The following PTPN22 variants were observed in gnomAD, a reference collection of about 807,000 sequenced individuals.
The protein encoded by PTPN22 is tyrosine-protein phosphatase non-receptor type 22.
PTPN22 carries 85 observed loss-of-function variants against 103.3 expected under a neutral mutation model. The ratio of observed to expected loss-of-function variants is 0.82; its 90% CI spans 0.69 to 0.99. PTPN22 has a LOEUF of 0.99. PTPN22 is among the 50% of genes least tolerant of loss of function. The probability of loss-of-function intolerance (pLI) is 0.00; values close to 1 mark genes in which losing one functional copy is unlikely to be tolerated. For synonymous variants in PTPN22, 323 were observed against 310.2 expected (o/e 1.04, Z -0.43); for missense variants, 865 against 936.9 (o/e 0.92, Z 1.00).
In PTPN22 at chr1:113,822,832, C is replaced by T. The variant is rs536358799; in HGVS notation, c.2281+2310G>A. On this transcript the variant is annotated intron_variant, in intron 19 of 20. Coordinates refer to ENST00000359785, the Ensembl canonical transcript of PTPN22. ...AAAATTAGCTGGGCATAGTGGTGTG[C>T]GCCTGTCATCCCAGCACTTGGGAGG... Among the ~76,000 whole-genome samples the T allele has an allele frequency of 1.1e-4, 17 of 152,164 alleles. No homozygotes were observed. The South Asian group carries it at 2.3e-3, about 20-fold the overall frequency.
intron 1 of PTPN22, among the ~76,000 whole-genome samples, chr1:113,869,162 G>A (rs1308211337): frequency 2.0e-5 from 3 of 152,180 alleles, no homozygotes; most frequent in Admixed American, 2.0e-4. Context: ...GCTGCAGTGA[G>A]CCGAGATGGT....
intron 2 of PTPN22, 127 bp from the exon 3 acceptor site, chr1:113,859,205 T>C: frequency 6.4e-7 from 1 of 1,550,700 alleles, no homozygotes; most frequent in Non-Finnish European, 8.7e-7. Context: ...AATGAATGAA[T>C]GAATATTCTT....
intron 3 of PTPN22, 73 bp from the exon 4 acceptor site, chr1:113,858,646 T>A: frequency 1.3e-6 from 1 of 794,200 alleles, no homozygotes; most frequent in Non-Finnish European, 1.8e-6. Flanking sequence ...CCGCTTCCTT[T>A]TTTTTTTTTT....
intron 10 of PTPN22, among the ~76,000 whole-genome samples, chr1:113,850,823 C>T (rs1322970198): frequency 6.6e-6 from 1 of 152,176 alleles, no homozygotes; most frequent in Non-Finnish European, 1.5e-5. Flanking sequence ...TTTGCATCTT[C>T]ATTTGTAAGT....
Position 113,838,413 on chromosome 1 carries a change from A to G in PTPN22, c.993-6T>C. 1.9e-6 allele frequency: 3 copies of G among 1,582,516 alleles called. No homozygotes were observed. Among genetic ancestry groups the G allele is most frequent in the Non-Finnish European group, 2.6e-6 (3 of 1,166,570 alleles). ...TTTTTGCTGCTTTTGTGGTACTAAA[A>G]CAAAAAGAAAGCGTAATGATGACAC... is the stretch of plus-strand genomic sequence containing the variant. On this transcript the variant is annotated splice_region_variant and splice_polypyrimidine_tract_variant and intron_variant, in intron 12 of 20. Coordinates refer to ENST00000359785, the Ensembl canonical transcript of PTPN22.
intron 15 of PTPN22, among the ~76,000 whole-genome samples, 158 bp from the exon 16 acceptor site, chr1:113,833,296 A>G (rs1652045222): frequency 6.6e-6 from 1 of 152,202 alleles, no homozygotes. Context: ...AGTGTGCTGA[A>G]TTATGAAATG....
chr1:113,817,965 T>A (rs1379483423), intron 20 of PTPN22, among the ~76,000 whole-genome samples: 2 of 151,286 alleles, frequency 1.3e-5, no homozygotes, highest in Non-Finnish European at 2.9e-5. Flanking sequence ...TTTCCTTTTT[T>A]TTTTTTAAAT....
At chr1:113,837,843 G>A (rs776885056) in exon 13 of PTPN22, 3 of 1,613,576 alleles carry the variant, frequency 1.9e-6, no homozygotes, top group Non-Finnish European at 2.5e-6. Flanking sequence ...GAGCACTAGA[G>A]TCATGGTGCT....
chr1:113,830,873 AGGTT>A (rs1431539949), intron 16 of PTPN22, among the ~76,000 whole-genome samples: 19 of 152,148 alleles, frequency 1.2e-4, no homozygotes, highest in African/African-American at 4.3e-4. Flanking sequence ...AAAGTACAAG[AGGTT>A]CACATGTCAT....
intron 11 of PTPN22, among the ~76,000 whole-genome samples, chr1:113,841,681 C>T (rs1169451432): frequency 6.6e-6 from 1 of 151,214 alleles, no homozygotes; most frequent in African/African-American, 2.4e-5. Flanking sequence ...CGGCTCACTG[C>T]AGCCTCTGCC....
chr1:113,815,647 T>G (rs1185037207), intron 20 of PTPN22, among the ~76,000 whole-genome samples: 1 of 152,196 alleles, frequency 6.6e-6, no homozygotes, highest in Non-Finnish European at 1.5e-5. Context: ...TGTGACTTTA[T>G]GACTTTTCTT....
At chr1:113,823,558 A>G (rs567532993) in intron 19 of PTPN22, 28 of 152,364 alleles carry the variant, frequency 1.8e-4, no homozygotes, top group Middle Eastern at 3.4e-3. Flanking sequence ...GCTCTTACTT[A>G]GAAATAAGAC....
At chr1:113,868,327 G>A (rs1374260472) in intron 1 of PTPN22, among the ~76,000 whole-genome samples, 2 of 152,186 alleles carry the variant, frequency 1.3e-5, no homozygotes, top group South Asian at 4.1e-4. Flanking sequence ...CACCAGTTAA[G>A]TGAACAGTGG....
At chr1:113,835,072 TATAA>T in intron 13 of PTPN22, 79 bp from the exon 14 acceptor site, 4 of 727,300 alleles carry the variant, frequency 5.5e-6, no homozygotes, top group Non-Finnish European at 8.0e-6. Flanking sequence ...TAATATTAAA[TATAA>T]ATTTACCATA....
At chr1:113,868,678 T>C (rs1558062084) in intron 1 of PTPN22, among the ~76,000 whole-genome samples, 1 of 151,972 alleles carries the variant, frequency 6.6e-6, no homozygotes, top group Non-Finnish European at 1.5e-5. Flanking sequence ...AGGAAGTGAT[T>C]AATATAAAAG....
At position 113,859,180 on chromosome 1, in the gene PTPN22, G is replaced by A. The variant is rs1365392364; in HGVS notation, c.197-102C>T. 3 of 1,561,036 alleles carry A rather than the reference G, an allele frequency of 1.9e-6. No individual in the cohort carries two copies. In the African/African-American group the frequency reaches 4.1e-5, roughly 21 times the overall value. ...ATAGTGTATGCTCATGAGTGAACAAGTGAGTGAATGAATGAATGAATGAAT... is the reference window on the plus strand; with the variant it reads ...ATAGTGTATGCTCATGAGTGAACAAATGAGTGAATGAATGAATGAATGAAT... On this transcript the variant is annotated intron_variant, in intron 2 of 20. Transcript: ENST00000359785.
chr1:113,830,210 A>G (rs148918573), intron 16 of PTPN22, among the ~76,000 whole-genome samples, 181 bp from the exon 17 acceptor site: 7 of 152,274 alleles, frequency 4.6e-5, no homozygotes, highest in East Asian at 1.9e-4. Context: ...TCGTTAGCCT[A>G]TGAGCCTATG....
At position 113,848,595 on chromosome 1, in the gene PTPN22, A is replaced by G. The variant is rs778423592; in HGVS notation, c.860T>C (p.Leu287Ser). The G allele has an allele frequency of 1.5e-5, 24 of 1,613,512 alleles. No individual in the cohort carries two copies. The highest frequency in any genetic ancestry group is 1.6e-4 in the Middle Eastern group (1 of 6,074). Residue 287 changes from leucine (L) to serine (S), a missense_variant, in exon 11 of 21, where the codon TTA (leucine) becomes TCA (serine). By Grantham distance (145) the Leu-to-Ser change is moderately radical. This residue lies in a region of PTPN22 where 457 missense variants were observed against 529.1 expected (regional missense o/e 0.86). Coordinates refer to ENST00000359785, the Ensembl canonical transcript of PTPN22. ...ATCCATCTGTCTCTTAAATAGTTCTAATACAGCATTGTAGACCAGTTCATA... is the reference window on the plus strand; with the variant it reads ...ATCCATCTGTCTCTTAAATAGTTCTGATACAGCATTGTAGACCAGTTCATA...
intron 1 of PTPN22, among the ~76,000 whole-genome samples, chr1:113,861,536 G>A (rs986366929): frequency 5.3e-5 from 8 of 151,556 alleles, no homozygotes; most frequent in Non-Finnish European, 8.8e-5. Context: ...CACCGCGCCC[G>A]GCCAATTTTT....
Sources: gnomAD v4.1 joint callset for allele counts (sites outside exome capture counted in the v4.1 genomes callset) on GRCh38, gnomAD v4.1.1 for gene constraint, gnomAD v4.1.1 regional missense constraint, MANE v1.5 for transcripts, NCBI Gene and HGNC (gene_info 2026-07-23, HGNC 2026-07-21) for gene names.